RNF175: variants seen among roughly 807,000 people sequenced by gnomAD.
RNF175 encodes the protein ring finger protein 175.
In RNF175, 38 loss-of-function variants were observed where a neutral mutation model predicts 50.0. The ratio of observed to expected loss-of-function variants is 0.76; its 90% CI spans 0.59 to 1.00. The LOEUF is 1.00. Among genes scored for constraint, RNF175 ranks in the 50% least tolerant of loss-of-function variants. The probability of loss-of-function intolerance (pLI) is 0.00; values close to 1 mark genes in which losing one functional copy is unlikely to be tolerated. For missense variants in RNF175, 388 were observed against 409.6 expected, an observed-to-expected ratio of 0.95 and a Z score of 0.46; for synonymous variants, 155 against 146.1, an observed-to-expected ratio of 1.06 and a Z score of -0.44.
At position 153,728,320 on chromosome 4, in the gene RNF175, G is replaced by A. The variant is rs776855666; in HGVS notation, c.288C>T (p.Phe96=). The A allele has an allele frequency of 3.0e-5, 48 of 1,613,538 alleles. No homozygotes were observed. The highest frequency in any genetic ancestry group is 1.6e-4 in the Middle Eastern group (1 of 6,084). Residue 96 remains phenylalanine (F), a synonymous_variant, in exon 4 of 9, where the codon TTC becomes TTT. Coordinates refer to ENST00000347063, the MANE Select transcript of RNF175 (RefSeq NM_173662.4). ...LLQMWVVPLY[F]TIKLYWWRFL... is the part of the protein sequence containing the mutation. ...ACCGCCACCAGTATAATTTTATCGT[G>A]AAATATAAGGGGACAACCCACATCT...
intron 7 of RNF175, chr4:153,715,203 C>A: frequency 2.6e-6 from 1 of 388,222 alleles, no homozygotes; most frequent in Non-Finnish European, 4.9e-6. Flanking sequence ...CCCCTTCTTT[C>A]CCTGATCTTT....
chr4:153,731,207 T>A (rs1235170587), intron 3 of RNF175, among the ~76,000 whole-genome samples: 1 of 152,234 alleles, frequency 6.6e-6, no homozygotes, highest in Non-Finnish European at 1.5e-5. Context: ...AGATTCTTTA[T>A]CAATTTCCAG....
At chr4:153,723,298 A>G (rs1042014431) in intron 5 of RNF175, 53 bp downstream of exon 5, 20 of 846,256 alleles carry the variant, frequency 2.4e-5, no homozygotes, top group Admixed American at 9.9e-5. Flanking sequence ...TGACCAGGTG[A>G]GTGTGCCAAG....
At chr4:153,739,232 C>A (rs1436725675) in intron 3 of RNF175, among the ~76,000 whole-genome samples, 2 of 152,054 alleles carry the variant, frequency 1.3e-5, no homozygotes, top group Non-Finnish European at 2.9e-5. Flanking sequence ...ACCAGCCTGA[C>A]CAACATGGTG....
intron 5 of RNF175, 150 bp from the exon 6 acceptor site, chr4:153,720,454 A>T (rs572012376): frequency 1.6e-6 from 1 of 620,056 alleles, no homozygotes; most frequent in East Asian, 2.9e-5. Context: ...TTTTAAATGA[A>T]ATAATTTAAA....
intron 1 of RNF175, among the ~76,000 whole-genome samples, chr4:153,758,645 A>G (rs1238789325): frequency 6.6e-6 from 1 of 152,152 alleles, no homozygotes; most frequent in Non-Finnish European, 1.5e-5. Context: ...ATTTTGTGGT[A>G]CACAAGCCCC....
chr4:153,742,870 T>C lies in RNF175; in HGVS notation c.246+5775A>G, dbSNP rs1002782065. ...TATATTAATATGTTCCTAATATTGA[T>C]AGAGGTTACAATATCAAGTCATGGA... On this transcript the variant is annotated intron_variant, in intron 3 of 8. Coordinates refer to ENST00000347063, the MANE Select transcript of RNF175 (RefSeq NM_173662.4). Among the ~76,000 whole-genome samples the C allele has an allele frequency of 7.9e-5, 12 of 151,482 alleles. No individual in the cohort carries two copies. In the East Asian group the frequency reaches 1.2e-3, roughly 15 times the overall value.
intron 5 of RNF175, 79 bp from the exon 6 acceptor site, chr4:153,720,383 G>A: frequency 8.1e-7 from 1 of 1,234,422 alleles, no homozygotes; most frequent in Non-Finnish European, 1.2e-6. Context: ...ATTTCCTGTT[G>A]ATGGTATCTA....
chr4:153,727,648 T>C (rs1738779034), intron 4 of RNF175: 1 of 152,342 alleles, frequency 6.6e-6, no homozygotes, highest in East Asian at 1.9e-4. Flanking sequence ...AGCAAGCCTG[T>C]GGGCACAGTA....
intron 3 of RNF175, among the ~76,000 whole-genome samples, chr4:153,729,247 C>A (rs1431287561): frequency 2.0e-5 from 3 of 152,154 alleles, no homozygotes; most frequent in Admixed American, 6.5e-5. Context: ...ATAAGGGGAA[C>A]GGCAAAGAGG....
At chr4:153,731,618 T>G (rs1281847281) in intron 3 of RNF175, among the ~76,000 whole-genome samples, 1 of 140,188 alleles carries the variant, frequency 7.1e-6, no homozygotes, top group Non-Finnish European at 1.5e-5. Context: ...TTGTACAGAA[T>G]GATGAATGGG....
intron 1 of RNF175, among the ~76,000 whole-genome samples, chr4:153,755,845 G>T (rs978989600): frequency 6.6e-6 from 1 of 152,070 alleles, no homozygotes; most frequent in African/African-American, 2.4e-5. Context: ...CTACATAAAA[G>T]AATCTGTAAG....
chr4:153,729,422 C>T (rs1738907969), intron 3 of RNF175, among the ~76,000 whole-genome samples: 1 of 152,210 alleles, frequency 6.6e-6, no homozygotes, highest in Non-Finnish European at 1.5e-5. Flanking sequence ...ATCGCATATT[C>T]ATCATCCTGA....
intron 3 of RNF175, among the ~76,000 whole-genome samples, chr4:153,744,399 G>A (rs1207906994): frequency 6.6e-6 from 1 of 151,858 alleles, no homozygotes; most frequent in African/African-American, 2.4e-5. Context: ...TTCAGCCTGG[G>A]CAACAAGAGC....
intron 5 of RNF175, among the ~76,000 whole-genome samples, chr4:153,722,845 T>C (rs1738431593): frequency 6.6e-6 from 1 of 152,136 alleles, no homozygotes; most frequent in Non-Finnish European, 1.5e-5. Context: ...CAAAATGTAA[T>C]TGATATGAAA....
intron 3 of RNF175, among the ~76,000 whole-genome samples, chr4:153,747,746 A>G (rs549245463): frequency 6.6e-6 from 1 of 152,320 alleles, no homozygotes; most frequent in African/African-American, 2.4e-5. Flanking sequence ...CCTCTGCCCA[A>G]TTACACAGTT....
chr4:153,710,512 G>C (rs1435552098), intron 8 of RNF175, 23 bp from the exon 9 acceptor site: 5 of 1,606,110 alleles, frequency 3.1e-6, no homozygotes, highest in Non-Finnish European at 4.3e-6. Flanking sequence ...TAAGGAGGTT[G>C]TTCTATATAC....
At chr4:153,755,134 G>A (rs946171982) in intron 1 of RNF175, among the ~76,000 whole-genome samples, 3 of 152,250 alleles carry the variant, frequency 2.0e-5, no homozygotes, top group African/African-American at 4.8e-5. Context: ...ACTTAGACAC[G>A]TGGCACGAGG....
Position 153,728,302 on chromosome 4 carries a change from C to A in RNF175, c.306G>T (p.Trp102Cys). ...TCCCCCACATAGACAGAAACCGCCA[C>A]CAGTATAATTTTATCGTGAAATATA... ...VPLYFTIKLYWWRFLSMWGMF... is the reference protein window; with the variant it reads ...VPLYFTIKLYCWRFLSMWGMF... The change falls in exon 4 of 9, where the codon TGG becomes TGT. Residue 102 changes from tryptophan to cysteine, a missense_variant. Transcript: ENST00000347063. 1 of 1,613,498 alleles carries A rather than the reference C, an allele frequency of 6.2e-7. No homozygotes were observed.
Sources: gnomAD v4.1 joint callset for allele counts (sites outside exome capture counted in the v4.1 genomes callset) on GRCh38, gnomAD v4.1.1 for gene constraint, MANE v1.5 for transcripts, NCBI Gene and HGNC (gene_info 2026-07-23, HGNC 2026-07-21) for gene names.